DZIP1: variants seen among roughly 807,000 people sequenced by gnomAD.
DZIP1 encodes cilium assembly protein DZIP1.
A neutral mutation model predicts 107.6 loss-of-function variants in DZIP1; 97 were observed. The observed-to-expected ratio is 0.90, with a 90% CI of 0.77 to 1.07. The LOEUF (loss-of-function observed/expected upper bound fraction) is 1.07. Among genes scored for constraint, DZIP1 ranks in the 50% least tolerant of loss-of-function variants. The pLI, the probability that DZIP1 is intolerant of heterozygous loss-of-function variation, is 0.00. For synonymous variants in DZIP1, 390 were observed against 386.4 expected (o/e 1.01, Z -0.11); for missense variants, 1,035 against 1,063.6 (o/e 0.97, Z 0.37).
At position 95,585,434 on chromosome 13, in the gene DZIP1, T is replaced by C. The variant is rs528032698; in HGVS notation, c.2350-524A>G. 8.5e-5 allele frequency among the ~76,000 whole-genome samples: 13 copies of C among 152,348 alleles called. No individual in the cohort carries two copies. The East Asian group carries it at 2.5e-3, about 29-fold the overall frequency. On this transcript the variant is annotated intron_variant, in intron 21 of 22. Transcript: ENST00000376829. ...GTGTAACACAAATAGTATTAACTAA[T>C]AAAAGTAATTTGACAAAATGCCCTG...
At chr13:95,610,111 T>TGTGAGTGAGAGAGAGA (rs368276400) in intron 12 of DZIP1, among the ~76,000 whole-genome samples, 1 of 126,666 alleles carries the variant, frequency 7.9e-6, no homozygotes, top group African/African-American at 2.9e-5. Flanking sequence ...TGTGTGTGTG[T>TGTGAGTGAGAGAGAGA]GAGAGAGAGA....
chr13:95,603,306 CAAAAAAAAAAAAAAAA>C (rs34995131), intron 14 of DZIP1, among the ~76,000 whole-genome samples: 1 of 47,948 alleles, frequency 2.1e-5, no homozygotes, highest in Non-Finnish European at 3.5e-5. Flanking sequence ...TGCCCAGTCT[CAAAAAAAAAAAAAAAA>C]AAAAAAAAAA....
rs747858836 is a variant in DZIP1 at position 95,579,097 on chromosome 13, G to C, written c.*3137C>G. ...TTATATCCTACTGCTCAAGGTCATC[G>C]CCAAGGTGTGATTGGAAAAATTCAA... On this transcript the variant is annotated 3_prime_UTR_variant, in exon 23 of 23. Transcript: ENST00000376829. 2 of 152,174 alleles carry C rather than the reference G, an allele frequency of 1.3e-5. No homozygotes were observed. Among genetic ancestry groups the C allele is most frequent in the Non-Finnish European group, 2.9e-5 (2 of 68,032 alleles). The allele number at this position is 152,174 out of a possible 1,614,324, so 9.4% of individuals were successfully genotyped here. A position where few individuals can be genotyped will look rare whatever the true frequency, so the allele number is the denominator to read the frequency against.
At chr13:95,626,004 T>C (rs1594722504) in intron 7 of DZIP1, among the ~76,000 whole-genome samples, 1 of 151,100 alleles carries the variant, frequency 6.6e-6, no homozygotes. Context: ...TGGTGGTACG[T>C]GCCTGTAATC....
In DZIP1 at chr13:95,593,497, C is replaced by T. The variant is rs115576818; in HGVS notation, c.1680+447G>A. Among the ~76,000 whole-genome samples, 1,413 of 152,258 alleles carry T rather than the reference C, an allele frequency of 9.3e-3. 26 individuals carry two copies. The highest frequency in any genetic ancestry group is 0.032 in the African/African-American group (1,336 of 41,540). On this transcript the variant is annotated intron_variant, in intron 16 of 22. Coordinates refer to ENST00000376829, the MANE Select transcript of DZIP1 (RefSeq NM_198968.4). ...GATATACCAAAATTATTCAATCTGG[C>T]AACAATATGAAATCCAATCCATTCA...
chr13:95,620,512 G>T (rs1875695080), intron 9 of DZIP1, among the ~76,000 whole-genome samples: 1 of 152,090 alleles, frequency 6.6e-6, no homozygotes, highest in Admixed American at 6.6e-5. Context: ...ATAAGGCAGG[G>T]GTCAGGAAAA....
intron 12 of DZIP1, 81 bp from the exon 13 acceptor site, chr13:95,609,594 C>T: frequency 1.0e-6 from 1 of 992,406 alleles, no homozygotes; most frequent in Non-Finnish European, 1.4e-6. Context: ...CTAATTTGAG[C>T]CCCCATAAAA....
At chr13:95,630,209 G>C in intron 6 of DZIP1, 96 bp from the exon 7 acceptor site, 1 of 1,412,206 alleles carries the variant, frequency 7.1e-7, no homozygotes, top group Non-Finnish European at 9.4e-7. Flanking sequence ...GAAGGAAACT[G>C]TCCTCTTACT....
intron 7 of DZIP1, among the ~76,000 whole-genome samples, chr13:95,625,834 G>A (rs1421799027): frequency 1.3e-5 from 2 of 152,066 alleles, no homozygotes; most frequent in South Asian, 2.1e-4. Context: ...CATTTAAAAA[G>A]AAGAAAGGTC....
intron 12 of DZIP1, among the ~76,000 whole-genome samples, chr13:95,610,111 T>TGTGA (rs368276400): frequency 0.029 from 3,676 of 126,170 alleles, 137 homozygotes; most frequent in Non-Finnish European, 0.047. Flanking sequence ...TGTGTGTGTG[T>TGTGA]GAGAGAGAGA....
At chr13:95,610,430 C>CTA (rs1484990606) in intron 12 of DZIP1, among the ~76,000 whole-genome samples, 1 of 151,856 alleles carries the variant, frequency 6.6e-6, no homozygotes, top group African/African-American at 2.4e-5. Flanking sequence ...TCCATCCCAG[C>CTA]CTCCTGAGTA....
At chr13:95,598,406 G>A (rs1028684877) in intron 15 of DZIP1, among the ~76,000 whole-genome samples, 6 of 152,032 alleles carry the variant, frequency 3.9e-5, no homozygotes, top group Non-Finnish European at 8.8e-5. Flanking sequence ...AGCAAAATAA[G>A]ACTTGAAAGT....
At chr13:95,583,320 C>T (rs1450632720) in intron 22 of DZIP1, among the ~76,000 whole-genome samples, 2 of 150,986 alleles carry the variant, frequency 1.3e-5, no homozygotes, top group East Asian at 3.9e-4. Context: ...GTGAAGAAGG[C>T]GTGAGAGGTG....
At position 95,613,218 on chromosome 13, in the gene DZIP1, G is replaced by T. The variant is rs9525031; in HGVS notation, c.1174-1041C>A. ...ACAGAAGGCTAAAAAGAAACAAAGG[G>T]GGGGCGGCTTGAGGCCAGGTGTGGT... On this transcript the variant is annotated intron_variant, in intron 10 of 22. Transcript: ENST00000376829. 4.9e-3 allele frequency among the ~76,000 whole-genome samples: 747 copies of T among 152,224 alleles called. 16 individuals carry two copies. The highest frequency in any genetic ancestry group is 2.8e-3 in the Non-Finnish European group (191 of 67,996).
intron 6 of DZIP1, chr13:95,630,941 A>C: frequency 3.3e-6 from 1 of 300,966 alleles, no homozygotes; most frequent in Non-Finnish European, 6.5e-6. Flanking sequence ...TAATTAAAAT[A>C]TTTCATCTTT....
intron 5 of DZIP1, among the ~76,000 whole-genome samples, chr13:95,640,234 G>A (rs922035262): frequency 7.9e-5 from 12 of 151,954 alleles, no homozygotes; most frequent in African/African-American, 2.7e-4. Context: ...TCCTGACCTC[G>A]TGATCCGCCC....
chr13:95,610,372 G>A (rs912181509), intron 12 of DZIP1, among the ~76,000 whole-genome samples: 2 of 151,574 alleles, frequency 1.3e-5, no homozygotes, highest in African/African-American at 2.4e-5. Flanking sequence ...GTGCAGTGGT[G>A]CAATCATAGC....
intron 22 of DZIP1, 156 bp downstream of exon 22, chr13:95,584,580 A>T: frequency 7.3e-7 from 1 of 1,366,916 alleles, no homozygotes; most frequent in Admixed American, 2.9e-5. Context: ...TCAGTGAGTT[A>T]TGCATATCCA....
chr13:95,600,933 A>G (rs570083599), intron 14 of DZIP1, among the ~76,000 whole-genome samples: 32 of 152,328 alleles, frequency 2.1e-4, no homozygotes, highest in African/African-American at 7.0e-4. Flanking sequence ...AGGCTATATT[A>G]CTAGTTTGAA....
Sources: gnomAD v4.1 joint callset for allele counts (sites outside exome capture counted in the v4.1 genomes callset) on GRCh38, gnomAD v4.1.1 for gene constraint, MANE v1.5 for transcripts, NCBI Gene and HGNC (gene_info 2026-07-23, HGNC 2026-07-21) for gene names.